MTRR: variants seen among roughly 807,000 people sequenced by gnomAD.
MTRR encodes the protein 5-methyltetrahydrofolate-homocysteine methyltransferase reductase, also known as methionine synthase reductase.
A neutral mutation model predicts 79.2 loss-of-function variants in MTRR; 63 were observed. That is an observed-to-expected ratio of 0.80 (90% CI 0.65 to 0.98). The LOEUF (loss-of-function observed/expected upper bound fraction) is 0.98, where lower values mean the gene tolerates loss of function less well. Ranked by LOEUF, MTRR falls within the 50% of genes least tolerant of loss-of-function variation. MTRR has a pLI of 0.00. For synonymous variants in MTRR, 355 were observed against 313.3 expected, an observed-to-expected ratio of 1.13 and a Z score of -1.41; for missense variants, 895 against 839.6, an observed-to-expected ratio of 1.07 and a Z score of -0.82.
chr5:7,858,428 C>T (rs1326667950), intron 1 of MTRR, among the ~76,000 whole-genome samples: 2 of 127,478 alleles, frequency 1.6e-5, no homozygotes, highest in African/African-American at 3.6e-5. Context: ...TCAGAATCTA[C>T]CGTGCTTATC....
At chr5:7,886,126 A>G (rs1457791525) in intron 7 of MTRR, among the ~76,000 whole-genome samples, 3 of 152,206 alleles carry the variant, frequency 2.0e-5, no homozygotes, top group Non-Finnish European at 2.9e-5. Context: ...GTTTTTGAGA[A>G]GCATTGGCCT....
At chr5:7,872,803 C>A (rs1208694213) in intron 2 of MTRR, among the ~76,000 whole-genome samples, 1 of 152,114 alleles carries the variant, frequency 6.6e-6, no homozygotes, top group Non-Finnish European at 1.5e-5. Flanking sequence ...ATTTCTGAGT[C>A]TCCCCATCCC....
chr5:7,883,288 A>C lies in MTRR; in HGVS notation c.903+11A>C. 6.2e-7 allele frequency: 1 copy of C among 1,614,154 alleles called. No homozygotes were observed. The highest frequency in any genetic ancestry group is 8.5e-7 in the Non-Finnish European group (1 of 1,180,026). ...GAATTGGACATTTCAGTAAGTTGCA[A>C]AATTTATTTCTCAGCACAGTAATAT... is the stretch of plus-strand genomic sequence containing the variant. On this transcript the variant is annotated intron_variant, in intron 6 of 14. Coordinates refer to ENST00000440940, the MANE Select transcript of MTRR (RefSeq NM_002454.3).
chr5:7,899,390 G>A lies in MTRR; in HGVS notation c.1953-524G>A, dbSNP rs940651684. 3.9e-5 allele frequency among the ~76,000 whole-genome samples: 6 copies of A among 152,276 alleles called. No individual in the cohort carries two copies. The East Asian group carries it at 7.7e-4, about 20-fold the overall frequency. On this transcript the variant is annotated intron_variant, in intron 14 of 14. Transcript: ENST00000440940. ...AGGACTGCAAGAGCACCCAGGAGGG[G>A]TACCGCCCCCTTCTTGTAAATTGAA... is the stretch of plus-strand genomic sequence containing the variant.
chr5:7,854,888 G>A (rs1746193878), intron 1 of MTRR, among the ~76,000 whole-genome samples: 1 of 152,198 alleles, frequency 6.6e-6, no homozygotes, highest in South Asian at 2.1e-4. Context: ...GGGAGGCTAA[G>A]CCAGTCTAGT....
intron 3 of MTRR, among the ~76,000 whole-genome samples, chr5:7,873,898 C>T (rs1031430260): frequency 2.0e-5 from 3 of 152,156 alleles, no homozygotes; most frequent in Admixed American, 2.0e-4. Flanking sequence ...CAAAACACTC[C>T]CAATGATTTT....
intron 9 of MTRR, chr5:7,890,239 G>C (rs749023768): frequency 5.2e-5 from 51 of 984,974 alleles, no homozygotes; most frequent in Non-Finnish European, 5.2e-5. Flanking sequence ...GTCAGGGCCT[G>C]ATTTCTCCTC....
intron 1 of MTRR, among the ~76,000 whole-genome samples, chr5:7,851,932 G>A (rs1227296414): frequency 6.6e-6 from 1 of 152,232 alleles, no homozygotes; most frequent in Non-Finnish European, 1.5e-5. Context: ...TTTAGCCAGC[G>A]TGCCTGGGAA....
At chr5:7,877,520 AAAG>A (rs1312759994) in intron 4 of MTRR, among the ~76,000 whole-genome samples, 3 of 151,842 alleles carry the variant, frequency 2.0e-5, no homozygotes, top group Admixed American at 6.6e-5. Context: ...AAAAAAAAAA[AAAG>A]GTGCATTTGA....
Position 7,870,821 on chromosome 5 carries a change from T to C in MTRR, c.27T>C (p.Ala9=), listed in dbSNP as rs114748706. The change falls in exon 2 of 15, where the codon GCT becomes GCC. Residue 9 remains alanine (A), a synonymous_variant. Coordinates refer to ENST00000440940, the MANE Select transcript of MTRR (RefSeq NM_002454.3). ...TGAGGAGGTTTCTGTTACTATATGCTACACAGCAGGGACAGGCAAAGGCCA... is the reference window on the plus strand; with the variant it reads ...TGAGGAGGTTTCTGTTACTATATGCCACACAGCAGGGACAGGCAAAGGCCA... The part of the protein sequence containing the change: MRRFLLLY[A]TQQGQAKAIA... 389 of 1,614,220 alleles carry C rather than the reference T, an allele frequency of 2.4e-4. 5 individuals carry two copies. In the East Asian group the frequency reaches 8.2e-3, roughly 34 times the overall value.
At position 7,873,454 on chromosome 5, in the gene MTRR, A is replaced by G. The variant is rs1299635422; in HGVS notation, c.211A>G (p.Lys71Glu). 2 of 1,614,094 alleles carry G rather than the reference A, an allele frequency of 1.2e-6. No individual in the cohort carries two copies. The highest frequency in any genetic ancestry group is 1.7e-5 in the Admixed American group (1 of 60,006). Residue 71 changes from lysine (K) to glutamate (E), a missense_variant, in exon 3 of 15, where the codon AAG (lysine) becomes GAG (glutamate). Transcript: ENST00000440940. ...CGGAGACCCACCCGACACAGCCCGC[A>G]AGTTTGTTAAGGAAATACAGAACCA... ...GTGDPPDTAR[K>E]FVKEIQNQTL... is the part of the protein sequence containing the mutation.
rs1739243061 is a variant in MTRR, at chr5:7,900,106, T to C, written c.*48T>C. ...ATTAAGCTTTTTTGACTGAAAGTAC[T>C]AAAAGTCAGCTTTACTAGTGCCAAA... On this transcript the variant is annotated 3_prime_UTR_variant, in exon 15 of 15. Transcript: ENST00000440940. 1 of 1,603,476 alleles carries C rather than the reference T, an allele frequency of 6.2e-7. No individual in the cohort carries two copies. The highest frequency in any genetic ancestry group is 1.7e-4 in the Middle Eastern group (1 of 5,788).
chr5:7,893,367 A>G (rs1447175853), intron 11 of MTRR: 3 of 174,832 alleles, frequency 1.7e-5, no homozygotes, highest in Non-Finnish European at 2.5e-5. Context: ...TTTGGCTAGT[A>G]GGGTCCCCGC....
At chr5:7,894,882 G>C (rs1226642555) in intron 11 of MTRR, among the ~76,000 whole-genome samples, 1 of 152,196 alleles carries the variant, frequency 6.6e-6, no homozygotes, top group Non-Finnish European at 1.5e-5. Flanking sequence ...CAGTAAATCT[G>C]TTAAATGAAT....
chr5:7,858,344 T>C (rs1019845594), intron 1 of MTRR, among the ~76,000 whole-genome samples: 3 of 152,152 alleles, frequency 2.0e-5, no homozygotes, highest in African/African-American at 4.8e-5. Flanking sequence ...ATTACCCAGA[T>C]TTCAGAGAGC....
At chr5:7,867,718 C>T, upstream of MTRR, 1 of 1,614,196 alleles carries the variant, frequency 6.2e-7, no homozygotes, top group Non-Finnish European at 8.5e-7. Flanking sequence ...GCAGGGTTTC[C>T]ATCGTGCTTA....
rs1270679425 is a variant in MTRR at position 7,892,734 on chromosome 5, T to G, written c.1378T>G (p.Leu460Val). 6.2e-7 allele frequency: 1 copy of G among 1,614,230 alleles called. No individual in the cohort carries two copies. The change falls in exon 11 of 15, where the codon TTA (leucine) becomes GTA (valine). Residue 460 changes from leucine to valine, a missense_variant. Transcript: ENST00000440940. ...PRPYSCASSS[L>V]FHPGKLHFVF... ...GTCTGTGTATCTTTGCAGCTCAAGT[T>G]TATTTCACCCAGGAAAGCTCCATTT... is the stretch of plus-strand genomic sequence containing the variant.
intron 9 of MTRR, among the ~76,000 whole-genome samples, chr5:7,890,649 T>G (rs983995690): frequency 3.9e-5 from 6 of 152,158 alleles, no homozygotes; most frequent in African/African-American, 9.7e-5. Context: ...CTACTAAACC[T>G]TATTTTGATG....
chr5:7,869,724 G>T, intron 1 of MTRR: 1 of 191,272 alleles, frequency 5.2e-6, no homozygotes, highest in South Asian at 9.2e-5. Context: ...GGAAGGTGGT[G>T]CCGGATTGTG....
Sources: gnomAD v4.1 joint callset for allele counts (sites outside exome capture counted in the v4.1 genomes callset) on GRCh38, gnomAD v4.1.1 for gene constraint, MANE v1.5 for transcripts, NCBI Gene and HGNC (gene_info 2026-07-23, HGNC 2026-07-21) for gene names.